Variants in TMEFF2 observed in about 807,000 individuals in gnomAD.
The protein encoded by TMEFF2 is transmembrane protein with EGF like and two follistatin like domains 2.
Under a neutral mutation model 53.8 loss-of-function variants are expected in TMEFF2, and 28 were observed. That is an observed-to-expected ratio of 0.52 (90% CI 0.39 to 0.71). TMEFF2 has a LOEUF of 0.71. Among genes scored for constraint, TMEFF2 ranks in the 30% least tolerant of loss-of-function variants. The pLI is 0.00. For missense variants in TMEFF2, 353 were observed against 455.2 expected, an observed-to-expected ratio of 0.78 and a Z score of 2.04; for synonymous variants, 162 against 166.3, an observed-to-expected ratio of 0.97 and a Z score of 0.20.
chr2:192,057,812 A>G (rs1257113994), intron 4 of TMEFF2, 37 bp from the exon 5 acceptor site: 2 of 1,498,202 alleles, frequency 1.3e-6, no homozygotes, highest in Non-Finnish European at 1.9e-6. Context: ...AATTCAGGTA[A>G]TTGTGCATTA....
intron 5 of TMEFF2, among the ~76,000 whole-genome samples, chr2:192,055,164 A>G (rs12470699): frequency 0.063 from 9,631 of 152,310 alleles, 437 homozygotes; most frequent in African/African-American, 0.12. Context: ...GTTAGAAACG[A>G]AATATTTTAA....
At chr2:192,193,737 GAGAGAGAGAGAGAGATAGATAGAT>G (rs1334608919) in intron 1 of TMEFF2, among the ~76,000 whole-genome samples, 20 of 31,794 alleles carry the variant, frequency 6.3e-4, no homozygotes, top group South Asian at 1.3e-3. Context: ...AGAAGGGAAT[GAGAGAGAGAGAGAGATAGATAGAT>G]AGAGAGAGAG....
At chr2:192,077,675 T>A (rs962806982) in intron 4 of TMEFF2, among the ~76,000 whole-genome samples, 1 of 152,104 alleles carries the variant, frequency 6.6e-6, no homozygotes, top group African/African-American at 2.4e-5. Context: ...TAATAATGTC[T>A]GAGTGGATAC....
intron 5 of TMEFF2, among the ~76,000 whole-genome samples, chr2:192,007,788 T>C (rs1396858500): frequency 6.6e-6 from 1 of 152,062 alleles, no homozygotes; most frequent in African/African-American, 2.4e-5. Flanking sequence ...GCTACTGCTG[T>C]TAGGTATAGA....
intron 4 of TMEFF2, among the ~76,000 whole-genome samples, chr2:192,161,417 T>C (rs1329307628): frequency 2.6e-5 from 4 of 152,044 alleles, no homozygotes; most frequent in Non-Finnish European, 4.4e-5. Context: ...CCTCCCAAAG[T>C]GTTGGGATTA....
intron 7 of TMEFF2, among the ~76,000 whole-genome samples, chr2:191,987,772 T>C (rs1686014682): frequency 6.6e-6 from 1 of 152,216 alleles, no homozygotes; most frequent in African/African-American, 2.4e-5. Context: ...TGTAAGTCAT[T>C]GGCTCTAAAA....
At chr2:192,173,921 A>G (rs1436349737) in intron 4 of TMEFF2, among the ~76,000 whole-genome samples, 1 of 151,860 alleles carries the variant, frequency 6.6e-6, no homozygotes, top group Non-Finnish European at 1.5e-5. Context: ...AATAAAGAGC[A>G]AAGGTAACAT....
chr2:192,095,105 GT>G (rs562930424), intron 4 of TMEFF2, among the ~76,000 whole-genome samples: 4 of 151,880 alleles, frequency 2.6e-5, no homozygotes, highest in Admixed American at 1.3e-4. Flanking sequence ...CCAATGACTA[GT>G]TTTTTTTGCC....
chr2:192,008,838 G>C (rs922584792), intron 5 of TMEFF2, among the ~76,000 whole-genome samples: 1 of 152,146 alleles, frequency 6.6e-6, no homozygotes, highest in African/African-American at 2.4e-5. Context: ...TTACCAACTG[G>C]CCCTCTGTTA....
At chr2:192,050,453 A>T (rs1369755677) in intron 5 of TMEFF2, among the ~76,000 whole-genome samples, 2 of 151,940 alleles carry the variant, frequency 1.3e-5, no homozygotes, top group African/African-American at 2.4e-5. Context: ...TTATTTTTCA[A>T]TTTTTTTTAT....
chr2:192,163,471 GC>G (rs1690682340), intron 4 of TMEFF2, among the ~76,000 whole-genome samples: 1 of 152,152 alleles, frequency 6.6e-6, no homozygotes, highest in Admixed American at 6.5e-5. Flanking sequence ...AATATGTGAA[GC>G]CATTTAAAGG....
intron 8 of TMEFF2, 45 bp from the exon 9 acceptor site, chr2:191,953,882 C>CTTT (rs1559057998): frequency 1.5e-5 from 10 of 662,424 alleles, no homozygotes; most frequent in South Asian, 9.1e-5. Flanking sequence ...GTGCTGCATT[C>CTTT]ATTTTTTTTT....
At chr2:191,958,753 T>C (rs1692180705) in intron 7 of TMEFF2, among the ~76,000 whole-genome samples, 2 of 152,216 alleles carry the variant, frequency 1.3e-5, no homozygotes, top group Non-Finnish European at 2.9e-5. Flanking sequence ...TGCTCTGTTA[T>C]GCTGCTCATA....
intron 4 of TMEFF2, among the ~76,000 whole-genome samples, chr2:192,089,157 C>A (rs747127581): frequency 1.3e-5 from 2 of 152,024 alleles, no homozygotes; most frequent in Non-Finnish European, 2.9e-5. Flanking sequence ...AATTAGGGTA[C>A]CTAGACAAAG....
chr2:191,954,828 A>G (rs971290281), intron 8 of TMEFF2, among the ~76,000 whole-genome samples: 1 of 152,202 alleles, frequency 6.6e-6, no homozygotes, highest in Non-Finnish European at 1.5e-5. Context: ...GACAATCTAC[A>G]TAGGAAAATT....
chr2:191,956,490 A>G (rs1436712018), intron 7 of TMEFF2, 112 bp from the exon 8 acceptor site: 1 of 1,138,058 alleles, frequency 8.8e-7, no homozygotes, highest in East Asian at 2.5e-5. Context: ...AAGGGCAAGA[A>G]CTAAAGGGCT....
chr2:192,025,480 A>T (rs1206449737), intron 5 of TMEFF2, among the ~76,000 whole-genome samples: 1 of 152,084 alleles, frequency 6.6e-6, no homozygotes, highest in African/African-American at 2.4e-5. Context: ...CAAATCTAAG[A>T]AGTTGGTGCA....
intron 4 of TMEFF2, among the ~76,000 whole-genome samples, chr2:192,145,310 A>G (rs1240496482): frequency 6.6e-6 from 1 of 151,956 alleles, no homozygotes; most frequent in African/African-American, 2.4e-5. Flanking sequence ...AATGTCACGA[A>G]TCTTCATTGT....
intron 9 of TMEFF2, among the ~76,000 whole-genome samples, chr2:191,951,268 C>CAAATGGCAGCTAGAGATAAA (rs71033641): frequency 0.28 from 41,841 of 147,580 alleles, 5,927 homozygotes; most frequent in Non-Finnish European, 0.3. Context: ...ACATTCCCAG[C>CAAATGGCAGCTAGAGATAAA]AAATGGCAGC....
Sources: gnomAD v4.1 joint callset for allele counts (sites outside exome capture counted in the v4.1 genomes callset) on GRCh38, gnomAD v4.1.1 for gene constraint, MANE v1.5 for transcripts, NCBI Gene and HGNC (gene_info 2026-07-23, HGNC 2026-07-21) for gene names.